C9: variants seen among roughly 807,000 people sequenced by gnomAD.
C9 encodes the protein complement C9.
Under a neutral mutation model 65.4 loss-of-function variants are expected in C9, and 63 were observed. The ratio of observed to expected loss-of-function variants is 0.96; its 90% CI spans 0.79 to 1.19. The LOEUF is 1.19. C9 is among the 50% of genes most tolerant of loss of function. The pLI is 0.00. For missense variants in C9, 744 were observed against 670.1 expected (o/e 1.11, Z -1.22); for synonymous variants, 229 against 227.9 (o/e 1.00, Z -0.04).
chr5:39,330,379 G>C (rs567038931), intron 5 of C9, among the ~76,000 whole-genome samples: 6 of 152,270 alleles, frequency 3.9e-5, no homozygotes, highest in Admixed American at 6.5e-5. Flanking sequence ...TTCAAGATCA[G>C]TCCTGGGCAG....
At chr5:39,363,474 A>C (rs1579888765) in intron 1 of C9, among the ~76,000 whole-genome samples, 1 of 152,358 alleles carries the variant, frequency 6.6e-6, no homozygotes, top group East Asian at 1.9e-4. Flanking sequence ...ACCAAGAGTC[A>C]AATGACTAAT....
At chr5:39,359,502 TACCACGAG>T (rs1483003867) in intron 1 of C9, among the ~76,000 whole-genome samples, 2 of 152,104 alleles carry the variant, frequency 1.3e-5, no homozygotes, top group East Asian at 3.9e-4. Context: ...GGGTATTTCA[TACCACGAG>T]ACCGGATGCA....
chr5:39,351,227 C>T (rs1172073010), intron 1 of C9, among the ~76,000 whole-genome samples: 2 of 152,182 alleles, frequency 1.3e-5, no homozygotes, highest in African/African-American at 4.8e-5. Context: ...CAGTGGGGCC[C>T]TGGGCCTAGT....
At chr5:39,322,980 G>C (rs1753689766) in intron 5 of C9, among the ~76,000 whole-genome samples, 1 of 152,018 alleles carries the variant, frequency 6.6e-6, no homozygotes, top group African/African-American at 2.4e-5. Flanking sequence ...GATACTGAGG[G>C]ACAGCTGTAC....
At chr5:39,312,807 A>G (rs1753508611) in intron 6 of C9, among the ~76,000 whole-genome samples, 1 of 152,212 alleles carries the variant, frequency 6.6e-6, no homozygotes, top group South Asian at 2.1e-4. Context: ...TATATCTTGC[A>G]GTATATGAAT....
At chr5:39,336,502 A>G (rs1326312803) in intron 4 of C9, among the ~76,000 whole-genome samples, 2 of 152,148 alleles carry the variant, frequency 1.3e-5, no homozygotes, top group Non-Finnish European at 2.9e-5. Flanking sequence ...TAATAGTGCC[A>G]TATATAGGTA....
intron 9 of C9, among the ~76,000 whole-genome samples, chr5:39,295,778 G>A (rs1352132882): frequency 1.3e-5 from 2 of 151,326 alleles, no homozygotes; most frequent in South Asian, 2.1e-4. Context: ...ATCGGATCTC[G>A]AAATATATTA....
At chr5:39,306,162 CA>C (rs541310785) in intron 9 of C9, among the ~76,000 whole-genome samples, 11,574 of 101,806 alleles carry the variant, frequency 0.11, 308 homozygotes, top group African/African-American at 0.16. Flanking sequence ...GACTCTGTCT[CA>C]AAAAAAAAAA....
Position 39,330,390 on chromosome 5 carries a change from C to A in C9, c.615+1286G>T, listed in dbSNP as rs1303200072. 2.0e-5 allele frequency among the ~76,000 whole-genome samples: 3 copies of A among 152,156 alleles called. No individual in the cohort carries two copies. The East Asian group carries it at 5.8e-4, about 29-fold the overall frequency. ...TGGCTTCAAGATCAGTCCTGGGCAGCCCCTAGCCGTCACTATTCTATGTCG... is the reference window on the plus strand; with the variant it reads ...TGGCTTCAAGATCAGTCCTGGGCAGACCCTAGCCGTCACTATTCTATGTCG... On this transcript the variant is annotated intron_variant, in intron 5 of 10. Transcript: ENST00000263408.
At chr5:39,359,621 G>A (rs1050853048) in intron 1 of C9, among the ~76,000 whole-genome samples, 28 of 152,160 alleles carry the variant, frequency 1.8e-4, no homozygotes, top group African/African-American at 6.8e-4. Context: ...GGGAGGTATT[G>A]ATGCTGCAGG....
At chr5:39,334,224 G>T (rs867707347) in intron 4 of C9, among the ~76,000 whole-genome samples, 2 of 144,008 alleles carry the variant, frequency 1.4e-5, no homozygotes, top group African/African-American at 5.3e-5. Context: ...TCTGCCCGGC[G>T]GCCCATCATC....
chr5:39,344,974 G>A (rs989767587), intron 1 of C9, among the ~76,000 whole-genome samples: 3 of 152,146 alleles, frequency 2.0e-5, no homozygotes, highest in African/African-American at 7.2e-5. Flanking sequence ...CAAATGCAGA[G>A]AGATTTTGTC....
At chr5:39,337,212 C>T (rs1173681884) in intron 4 of C9, among the ~76,000 whole-genome samples, 1 of 152,154 alleles carries the variant, frequency 6.6e-6, no homozygotes, top group Non-Finnish European at 1.5e-5. Context: ...GTTGAGGAAA[C>T]TATTACCTTA....
At chr5:39,306,825 G>C in intron 8 of C9, 33 bp from the exon 9 acceptor site, 1 of 1,533,374 alleles carries the variant, frequency 6.5e-7, no homozygotes, top group South Asian at 1.1e-5. Context: ...AAGAGAAGCA[G>C]AAGAAGTTTA....
intron 4 of C9, among the ~76,000 whole-genome samples, chr5:39,335,448 C>T (rs1460736272): frequency 6.6e-6 from 1 of 152,108 alleles, no homozygotes; most frequent in Non-Finnish European, 1.5e-5. Flanking sequence ...TGGATTCAAC[C>T]AATCATGGAT....
intron 3 of C9, 102 bp from the exon 4 acceptor site, chr5:39,341,395 A>C: frequency 6.7e-7 from 1 of 1,491,872 alleles, no homozygotes; most frequent in Non-Finnish European, 9.4e-7. Flanking sequence ...GAGGTATCAG[A>C]AAAACACATT....
chr5:39,355,480 A>G (rs760483608), intron 1 of C9, among the ~76,000 whole-genome samples: 1 of 151,574 alleles, frequency 6.6e-6, no homozygotes, highest in Admixed American at 6.6e-5. Flanking sequence ...TATTAAAAGT[A>G]TGACTCACGC....
intron 4 of C9, among the ~76,000 whole-genome samples, chr5:39,340,812 A>G (rs941579786): frequency 1.3e-5 from 2 of 152,188 alleles, no homozygotes; most frequent in Admixed American, 6.5e-5. Context: ...TTCATTCCAA[A>G]TGTTAACATA....
intron 10 of C9, 149 bp downstream of exon 10, chr5:39,288,574 C>G: frequency 5.0e-6 from 3 of 603,204 alleles, no homozygotes; most frequent in Non-Finnish European, 9.0e-6. Flanking sequence ...GCTGATTTAC[C>G]CATTTTCACT....
Sources: allele counts gnomAD v4.1 joint callset (sites outside exome capture counted in the v4.1 genomes callset), GRCh38; gene constraint gnomAD v4.1.1; transcripts MANE v1.5; gene names NCBI Gene and HGNC (gene_info 2026-07-23, HGNC 2026-07-21).